Variants in STOX2 observed in about 807,000 individuals in gnomAD.
The protein encoded by STOX2 is storkhead-box protein 2.
In STOX2, 28 loss-of-function variants were observed where a neutral mutation model predicts 60.9. The ratio of observed to expected loss-of-function variants is 0.46; its 90% CI spans 0.34 to 0.63. The LOEUF is 0.63. Ranked by LOEUF, STOX2 falls within the 30% of genes least tolerant of loss-of-function variation. The probability of loss-of-function intolerance (pLI) is 0.01; values close to 1 mark genes in which losing one functional copy is unlikely to be tolerated. For synonymous variants in STOX2, 472 were observed against 463.9 expected (o/e 1.02, Z -0.22); for missense variants, 1,024 against 1,187.7 (o/e 0.86, Z 2.03).
chr4:183,861,308 TG>T (rs10709509), intron 1 of STOX2, among the ~76,000 whole-genome samples: 42,833 of 151,862 alleles, frequency 0.28, 6,959 homozygotes, highest in Non-Finnish European at 0.35. Flanking sequence ...CCCGTTACCT[TG>T]GGGGGGTCCT....
chr4:183,847,990 A>G (rs1308075936), intron 1 of STOX2, among the ~76,000 whole-genome samples: 1 of 152,206 alleles, frequency 6.6e-6, no homozygotes, highest in African/African-American at 2.4e-5. Flanking sequence ...AAGGAGAAGA[A>G]ATGAGTAGGA....
At position 183,963,419 on chromosome 4, in the gene STOX2, T is replaced by A. The variant is rs192315062; in HGVS notation, c.167-37906T>A. On this transcript the variant is annotated intron_variant, in intron 1 of 3. Coordinates refer to ENST00000308497, the MANE Select transcript of STOX2 (RefSeq NM_020225.3). Reference sequence around the variant, plus strand: ...TTTTATCTATTTAAAAATGTTATATTTTTTTTCTTTTTTTCTTTTTTTTTT... The same window carrying A: ...TTTTATCTATTTAAAAATGTTATATATTTTTTCTTTTTTTCTTTTTTTTTT... 3.0e-3 allele frequency among the ~76,000 whole-genome samples: 460 copies of A among 152,022 alleles called. 4 individuals are homozygous for A. The highest frequency in any genetic ancestry group is 9.9e-3 in the African/African-American group (412 of 41,494).
chr4:183,800,831 G>A (rs1006909588), intron 1 of STOX2, among the ~76,000 whole-genome samples: 1 of 152,192 alleles, frequency 6.6e-6, no homozygotes, highest in Non-Finnish European at 1.5e-5. Context: ...GAAAGGAGAG[G>A]AACGGTTTTG....
intron 3 of STOX2, among the ~76,000 whole-genome samples, chr4:184,012,668 G>A (rs951697683): frequency 7.2e-5 from 11 of 152,216 alleles, no homozygotes; most frequent in African/African-American, 2.6e-4. Context: ...AAGTCTAAAT[G>A]TCTGCACAGA....
At chr4:184,004,443 C>T (rs977734349) in intron 2 of STOX2, among the ~76,000 whole-genome samples, 17 of 151,900 alleles carry the variant, frequency 1.1e-4, no homozygotes, top group South Asian at 2.1e-4. Flanking sequence ...ACTAAAAATA[C>T]AAAAAAATTA....
At chr4:183,892,425 C>A (rs373305303) in intron 1 of STOX2, among the ~76,000 whole-genome samples, 1 of 151,642 alleles carries the variant, frequency 6.6e-6, no homozygotes, top group Non-Finnish European at 1.5e-5. Flanking sequence ...ACTATGGGCG[C>A]CCGCCACCAC....
At position 184,009,526 on chromosome 4, in the gene STOX2, T is replaced by C. The variant is rs1368432230; in HGVS notation, c.688T>C (p.Ser230Pro). ...KDCKDPYCPP[S>P]LCQVPPTEKS... ...CTGCAAAGACCCTTACTGTCCCCCTTCTCTGTGCCAGGTGCCACCCACTGA... is the reference window on the plus strand; with the variant it reads ...CTGCAAAGACCCTTACTGTCCCCCTCCTCTGTGCCAGGTGCCACCCACTGA... The change falls in exon 3 of 4, where the codon TCT (serine) becomes CCT (proline). Residue 230 changes from serine (S) to proline (P), a missense_variant. Ser to Pro is a moderately conservative substitution (Grantham distance 74, BLOSUM62 -1). Coordinates refer to ENST00000308497, the MANE Select transcript of STOX2 (RefSeq NM_020225.3). The surrounding 1 kb of genome is among the most constrained non-coding windows in gnomAD (Gnocchi z 4.0). 1.4e-5 allele frequency: 23 copies of C among 1,614,024 alleles called. No homozygotes were observed. The East Asian group carries it at 2.7e-4, about 19-fold the overall frequency.
Position 184,011,471 on chromosome 4 carries a change from G to A in STOX2, c.2585+48G>A, listed in dbSNP as rs1350309246. The A allele has an allele frequency of 6.3e-7, 1 of 1,588,814 alleles. No homozygotes were observed. The highest frequency in any genetic ancestry group is 1.4e-5 in the African/African-American group (1 of 74,052). ...ACACACATGCGCCTAGCGGGGCCTG[G>A]GGCTTTATGCACGTAACTTGACAAG... On this transcript the variant is annotated intron_variant, in intron 3 of 3. Transcript: ENST00000308497. This position sits in a 1 kb window ranked among gnomAD's most constrained non-coding sequence, Gnocchi z 4.4.
At chr4:183,855,911 C>G (rs1740275470) in intron 1 of STOX2, among the ~76,000 whole-genome samples, 1 of 152,212 alleles carries the variant, frequency 6.6e-6, no homozygotes, top group African/African-American at 2.4e-5. Flanking sequence ...CGATGCTACT[C>G]TGATAGGAAT....
chr4:183,956,926 A>G (rs1179576657), intron 1 of STOX2, among the ~76,000 whole-genome samples: 1 of 141,834 alleles, frequency 7.1e-6, no homozygotes, highest in African/African-American at 2.6e-5. Context: ...TTAGATTTAG[A>G]TTAAGCATTT....
At position 184,017,480 on chromosome 4, in the gene STOX2, T is replaced by C; in HGVS notation, c.*196T>C. The stretch of plus-strand genomic sequence containing the variant: ...GAGTATTGCTTTTCACATTTATGGC[T>C]CTGTAGCAACTGAGTAACAGTAGGG... On this transcript the variant is annotated 3_prime_UTR_variant, in exon 4 of 4. Transcript: ENST00000308497. The C allele has an allele frequency of 1.9e-6, 1 of 534,884 alleles. No homozygotes were observed. The highest frequency in any genetic ancestry group is 3.3e-6 in the Non-Finnish European group (1 of 305,510). 33.1% of individuals were successfully genotyped at this position (534,884 alleles called of 1,614,324 possible). A position where few individuals can be genotyped will look rare whatever the true frequency, so the allele number is the denominator to read the frequency against.
intron 3 of STOX2, among the ~76,000 whole-genome samples, chr4:184,012,215 A>G (rs997233584): frequency 1.3e-5 from 2 of 152,226 alleles, no homozygotes; most frequent in Non-Finnish European, 2.9e-5. Flanking sequence ...TTCAGAAAGC[A>G]AACAAGAGTC....
chr4:183,950,042 T>A (rs1743022340), intron 1 of STOX2, among the ~76,000 whole-genome samples: 1 of 152,256 alleles, frequency 6.6e-6, no homozygotes, highest in Non-Finnish European at 1.5e-5. Context: ...CTCACTATTG[T>A]ACAGCATTTT....
chr4:183,974,330 A>G (rs930782479), intron 1 of STOX2, among the ~76,000 whole-genome samples: 1 of 152,182 alleles, frequency 6.6e-6, no homozygotes, highest in Admixed American at 6.5e-5. Flanking sequence ...AAATGAGGGA[A>G]GAAACCTAAA....
chr4:183,956,752 C>T (rs1743262235), intron 1 of STOX2, among the ~76,000 whole-genome samples: 1 of 152,000 alleles, frequency 6.6e-6, no homozygotes, highest in South Asian at 2.1e-4. Context: ...AAATTCCAAA[C>T]TCTAAGGATC....
At chr4:184,000,564 G>A (rs952363460) in intron 1 of STOX2, among the ~76,000 whole-genome samples, 1 of 152,050 alleles carries the variant, frequency 6.6e-6, no homozygotes, top group Non-Finnish European at 1.5e-5. Context: ...ATTCATGGTC[G>A]TCCCTACCTA....
At chr4:183,876,318 C>A (rs1172444860) in intron 1 of STOX2, among the ~76,000 whole-genome samples, 1 of 152,188 alleles carries the variant, frequency 6.6e-6, no homozygotes, top group Non-Finnish European at 1.5e-5. Flanking sequence ...TGCGTAATGG[C>A]TTTCCAGAGA....
rs1349780972 is a variant in STOX2 at position 183,850,884 on chromosome 4, G to GGATGAGAGAAAC, written c.364+52836_364+52847dup. On this transcript the variant is annotated intron_variant, in intron 1 of 2. Transcript: ENST00000513034. ...AGGATGAGGGAAAGGATGAGAGAAA[G>GGATGAGAGAAAC]GATGAGAGAAACGATGAGGGAAAGG... 2.6e-4 allele frequency among the ~76,000 whole-genome samples: 37 copies of GGATGAGAGAAAC among 141,786 alleles called. 1 individual carries two copies. Among genetic ancestry groups the GGATGAGAGAAAC allele is most frequent in the African/African-American group, 1.0e-3 (37 of 36,540 alleles). The allele number at this position is 141,786 out of a possible 152,430, so 93.0% of individuals were successfully genotyped here. A position where few individuals can be genotyped will look rare whatever the true frequency, so the allele number is the denominator to read the frequency against.
At chr4:183,999,500 G>A (rs932641504) in intron 1 of STOX2, among the ~76,000 whole-genome samples, 6 of 152,078 alleles carry the variant, frequency 3.9e-5, no homozygotes, top group Non-Finnish European at 7.4e-5. Flanking sequence ...CTGGGACAAC[G>A]TCTTATCCTC....
Sources: allele counts gnomAD v4.1 joint callset (sites outside exome capture counted in the v4.1 genomes callset), GRCh38; gene constraint gnomAD v4.1.1; non-coding constraint Gnocchi (gnomAD v3.1); transcripts MANE v1.5; gene names NCBI Gene and HGNC (gene_info 2026-07-23, HGNC 2026-07-21).